Variants in SPATA6 observed in about 807,000 individuals in gnomAD.
The protein encoded by SPATA6 is spermatogenesis-associated protein 6.
A neutral mutation model predicts 65.3 loss-of-function variants in SPATA6; 56 were observed. The ratio of observed to expected loss-of-function variants is 0.86; its 90% CI spans 0.69 to 1.07. SPATA6 has a LOEUF of 1.07. Among genes scored for constraint, SPATA6 ranks in the 50% least tolerant of loss-of-function variants. The pLI, the probability that SPATA6 is intolerant of heterozygous loss-of-function variation, is 0.00. For synonymous variants in SPATA6, 199 were observed against 213.2 expected (o/e 0.93, Z 0.58); for missense variants, 590 against 594.8 (o/e 0.99, Z 0.08).
intron 8 of SPATA6, among the ~76,000 whole-genome samples, chr1:48,388,686 T>C (rs1473126475): frequency 6.6e-6 from 1 of 151,770 alleles, no homozygotes; most frequent in Non-Finnish European, 1.5e-5. Context: ...GATGAATTAA[T>C]TGACTGAACT....
chr1:48,392,214 T>C (rs987014662), intron 8 of SPATA6, among the ~76,000 whole-genome samples: 1 of 152,102 alleles, frequency 6.6e-6, no homozygotes, highest in African/African-American at 2.4e-5. Flanking sequence ...AATATTACGA[T>C]CTTATATAGA....
chr1:48,322,348 G>A (rs961470725), intron 11 of SPATA6, among the ~76,000 whole-genome samples: 3 of 152,076 alleles, frequency 2.0e-5, no homozygotes, highest in African/African-American at 7.2e-5. Context: ...AATGGGGCTG[G>A]GAAAACTGGC....
chr1:48,318,876 A>G (rs1645516818), intron 11 of SPATA6, among the ~76,000 whole-genome samples: 1 of 152,184 alleles, frequency 6.6e-6, no homozygotes, highest in Non-Finnish European at 1.5e-5. Flanking sequence ...TTACTACAAA[A>G]GCCATCACAA....
At chr1:48,280,895 G>C in the SPATA6 span, among the ~76,000 whole-genome samples, 1 of 152,118 alleles carries the variant, frequency 6.6e-6, no homozygotes, top group Non-Finnish European at 1.5e-5. Flanking sequence ...GAGAATTTTA[G>C]ACCAATATCC....
In SPATA6 at chr1:48,416,640, A is replaced by G. The variant is rs115655274; in HGVS notation, c.239-3489T>C. ...GATGTGCATACTCCTAGGAAACAGTAAAAGAAAGAATACTTCTCAACTTAT... is the reference window on the plus strand; with the variant it reads ...GATGTGCATACTCCTAGGAAACAGTGAAAGAAAGAATACTTCTCAACTTAT... On this transcript the variant is annotated intron_variant, in intron 3 of 12. Coordinates refer to ENST00000371847, the MANE Select transcript of SPATA6 (RefSeq NM_019073.4). 2.4e-3 allele frequency among the ~76,000 whole-genome samples: 369 copies of G among 152,314 alleles called. 2 individuals carry two copies. The highest frequency in any genetic ancestry group is 8.5e-3 in the African/African-American group (355 of 41,584).
At chr1:48,286,361 T>A in the SPATA6 span, among the ~76,000 whole-genome samples, 1 of 152,206 alleles carries the variant, frequency 6.6e-6, no homozygotes, top group Non-Finnish European at 1.5e-5. Flanking sequence ...TGTTTTATGA[T>A]TCTCAGCATT....
chr1:48,281,359 A>G, the SPATA6 span, among the ~76,000 whole-genome samples: 1 of 151,820 alleles, frequency 6.6e-6, no homozygotes, highest in Non-Finnish European at 1.5e-5. Context: ...GAAGGAAATA[A>G]AGGGTATTCA....
chr1:48,451,676 T>C, intron 2 of SPATA6, 76 bp from the exon 3 acceptor site: 4 of 1,389,890 alleles, frequency 2.9e-6, no homozygotes, highest in Non-Finnish European at 4.0e-6. Context: ...CAAAATATCA[T>C]TCCTTTCACA....
chr1:48,451,575 C>A lies in SPATA6; in HGVS notation c.215G>T (p.Gly72Val). ...EKVFPDAVDP[G>V]DVVTQLEYDT... The stretch of plus-strand genomic sequence containing the variant: ...ACATTCAAGCTGTGTAACCACATCT[C>A]CAGGATCTACTGCGTCCGGGAACAC... Residue 72 changes from glycine (G) to valine (V), a missense_variant, in exon 3 of 13, where the codon GGA (glycine) becomes GTA (valine). Transcript: ENST00000371847. 6.2e-7 allele frequency: 1 copy of A among 1,612,388 alleles called. No homozygotes were observed. The highest frequency in any genetic ancestry group is 1.1e-5 in the South Asian group (1 of 90,592).
intron 9 of SPATA6, among the ~76,000 whole-genome samples, chr1:48,384,834 G>A (rs1156645938): frequency 6.6e-6 from 1 of 152,156 alleles, no homozygotes; most frequent in Non-Finnish European, 1.5e-5. Flanking sequence ...TGTCATACAT[G>A]TAAAGCATGT....
chr1:48,446,813 A>T (rs904389549), intron 3 of SPATA6, among the ~76,000 whole-genome samples: 11 of 152,212 alleles, frequency 7.2e-5, no homozygotes, highest in Non-Finnish European at 1.0e-4. Flanking sequence ...CTTGAACATT[A>T]TCAACTTAAA....
intron 8 of SPATA6, among the ~76,000 whole-genome samples, chr1:48,392,401 T>C (rs1283950654): frequency 6.6e-6 from 1 of 152,114 alleles, no homozygotes; most frequent in African/African-American, 2.4e-5. Flanking sequence ...TTACAAAAAG[T>C]CTCATATTAC....
At chr1:48,366,917 T>C (rs1376256905) in intron 9 of SPATA6, among the ~76,000 whole-genome samples, 2 of 152,254 alleles carry the variant, frequency 1.3e-5, no homozygotes, top group Non-Finnish European at 2.9e-5. Flanking sequence ...TTTCCTGCTT[T>C]GTCTTGTGGG....
chr1:48,270,394 C>T, the SPATA6 span, among the ~76,000 whole-genome samples: 1 of 152,234 alleles, frequency 6.6e-6, no homozygotes, highest in South Asian at 2.1e-4. Context: ...GAGATACCAG[C>T]TCCACCATTT....
the SPATA6 span, among the ~76,000 whole-genome samples, chr1:48,287,102 G>A: frequency 6.6e-6 from 1 of 151,626 alleles, no homozygotes; most frequent in Non-Finnish European, 1.5e-5. Flanking sequence ...GGGAAGGATA[G>A]TGGCATCTGC....
rs572374700 is a variant in SPATA6, at chr1:48,430,283, G to A, written c.239-17132C>T. ...CAAAAGGTCTTCAAAAAGATTATTA[G>A]CAGATATCGCATCAGAAACTGGAGG... On this transcript the variant is annotated intron_variant, in intron 3 of 12. Transcript: ENST00000371847. Among the ~76,000 whole-genome samples, 8 of 152,176 alleles carry A rather than the reference G, an allele frequency of 5.3e-5. No individual in the cohort carries two copies. The East Asian group carries it at 1.5e-3, about 29-fold the overall frequency.
intron 3 of SPATA6, among the ~76,000 whole-genome samples, chr1:48,431,387 G>A (rs1445507481): frequency 2.0e-5 from 3 of 151,672 alleles, no homozygotes; most frequent in Non-Finnish European, 4.4e-5. Context: ...AGAAAACAGA[G>A]AACCTAAAAA....
chr1:48,340,563 T>C (rs1324174004), intron 11 of SPATA6, among the ~76,000 whole-genome samples: 1 of 151,552 alleles, frequency 6.6e-6, no homozygotes, highest in Non-Finnish European at 1.5e-5. Context: ...ACAGGGTAAC[T>C]ATTAAAAAAA....
the SPATA6 span, among the ~76,000 whole-genome samples, chr1:48,285,588 T>C: frequency 6.6e-6 from 1 of 152,196 alleles, no homozygotes; most frequent in East Asian, 1.9e-4. Flanking sequence ...CAAAGGAATC[T>C]TGTGGTATGT....
Sources: allele counts gnomAD v4.1 joint callset (sites outside exome capture counted in the v4.1 genomes callset), GRCh38; gene constraint gnomAD v4.1.1; transcripts MANE v1.5; gene names NCBI Gene and HGNC (gene_info 2026-07-23, HGNC 2026-07-21).